SOX5: variants seen among roughly 807,000 people sequenced by gnomAD.
SOX5 encodes SRY-box transcription factor 5.
Under a neutral mutation model 92.0 loss-of-function variants are expected in SOX5, and 9 were observed. The ratio of observed to expected loss-of-function variants is 0.10; its 90% CI spans 0.06 to 0.17. The LOEUF is 0.17. Among genes scored for constraint, SOX5 ranks in the 10% least tolerant of loss-of-function variants. The pLI is 1.00. For missense variants in SOX5, 642 were observed against 944.5 expected (o/e 0.68, Z 4.20); for synonymous variants, 344 against 336.3 (o/e 1.02, Z -0.25).
intron 8 of SOX5, among the ~76,000 whole-genome samples, chr12:23,634,901 T>C (rs576866131): frequency 6.6e-6 from 1 of 152,328 alleles, no homozygotes; most frequent in South Asian, 2.1e-4. Flanking sequence ...GAATAATTTA[T>C]TGAAAATACA....
chr12:24,117,954 G>T (rs1201442259), intron 4 of SOX5, among the ~76,000 whole-genome samples: 1 of 150,610 alleles, frequency 6.6e-6, no homozygotes, highest in African/African-American at 2.4e-5. Flanking sequence ...GGGAGGCAGA[G>T]GTTGCAGTAA....
chr12:23,569,804 G>GAC (rs1947825157), intron 10 of SOX5, among the ~76,000 whole-genome samples: 1 of 152,166 alleles, frequency 6.6e-6, no homozygotes, highest in Admixed American at 6.5e-5. Context: ...CATGTTCTTT[G>GAC]ACAAGATGAG....
rs985488676 is a variant in SOX5, at chr12:24,057,149, G to A, written c.-2+156194C>T. ...GTATCCTAGTTTCAAATAGATAAAA[G>A]AAGGAAAAAACCTAGCTACATGGAC... On this transcript the variant is annotated intron_variant, in intron 4 of 4. Coordinates refer to the SOX5 transcript ENST00000446891. Among the ~76,000 whole-genome samples, 3 of 151,898 alleles carry A rather than the reference G, an allele frequency of 2.0e-5. No individual in the cohort carries two copies. In the South Asian group the frequency reaches 6.2e-4, roughly 32 times the overall value.
chr12:24,122,224 A>G (rs1230381058), intron 4 of SOX5, among the ~76,000 whole-genome samples: 1 of 152,228 alleles, frequency 6.6e-6, no homozygotes, highest in Non-Finnish European at 1.5e-5. Context: ...AAGAATTGTA[A>G]CAGGAGATGA....
intron 9 of SOX5, among the ~76,000 whole-genome samples, chr12:23,576,845 CTTGT>C (rs1201399944): frequency 2.0e-5 from 3 of 151,958 alleles, no homozygotes; most frequent in African/African-American, 4.8e-5. Context: ...TATCTTACCA[CTTGT>C]TTATTTATCA....
chr12:24,382,774 C>A (rs7299164), intron 1 of SOX5, among the ~76,000 whole-genome samples: 70,531 of 151,708 alleles, frequency 0.46, 16,515 homozygotes, highest in South Asian at 0.57. Context: ...TTTGTTGAGG[C>A]GTTAGATGTA....
chr12:24,507,037 G>T (rs1333581763), intron 1 of SOX5, among the ~76,000 whole-genome samples: 1 of 151,720 alleles, frequency 6.6e-6, no homozygotes, highest in African/African-American at 2.4e-5. Flanking sequence ...TGATCCGCCC[G>T]CCTCGGCCTC....
intron 1 of SOX5, among the ~76,000 whole-genome samples, chr12:24,475,381 G>A (rs1945253178): frequency 6.6e-6 from 1 of 152,192 alleles, no homozygotes; most frequent in Non-Finnish European, 1.5e-5. Context: ...CTCGAAGGCA[G>A]GAATCGTGTA....
At chr12:24,394,931 A>C (rs980912746) in intron 1 of SOX5, among the ~76,000 whole-genome samples, 1 of 152,188 alleles carries the variant, frequency 6.6e-6, no homozygotes, top group Non-Finnish European at 1.5e-5. Context: ...TTTTCACTAC[A>C]TGGTAGGCTT....
Position 24,396,414 on chromosome 12 carries a change from T to C in SOX5, c.-250-27775A>G, listed in dbSNP as rs372931809. ...TTGTTGTCACTTTAGATTAAGCTCT[T>C]ATTTTAGTAAAGGAGGCAATTGGAG... On this transcript the variant is annotated intron_variant, in intron 1 of 4. Transcript: ENST00000446891. 4.6e-5 allele frequency among the ~76,000 whole-genome samples: 7 copies of C among 152,350 alleles called. No homozygotes were observed. In the South Asian group the frequency reaches 8.3e-4, roughly 18 times the overall value.
chr12:23,721,994 A>G (rs777659859), intron 6 of SOX5, among the ~76,000 whole-genome samples: 7 of 152,218 alleles, frequency 4.6e-5, no homozygotes, highest in Non-Finnish European at 8.8e-5. Context: ...GGTAAATATC[A>G]TTGAGAAATA....
chr12:24,210,601 G>A (rs1364953141), intron 4 of SOX5, among the ~76,000 whole-genome samples: 1 of 152,174 alleles, frequency 6.6e-6, no homozygotes, highest in South Asian at 2.1e-4. Context: ...ATTCAGCTGT[G>A]CCAAGTAACT....
chr12:24,278,027 T>C (rs1944695150), intron 2 of SOX5, among the ~76,000 whole-genome samples: 1 of 152,134 alleles, frequency 6.6e-6, no homozygotes, highest in Non-Finnish European at 1.5e-5. Flanking sequence ...CCTGACAATC[T>C]GTTGAGATTC....
At chr12:24,007,076 T>C (rs1450579137) in intron 4 of SOX5, among the ~76,000 whole-genome samples, 1 of 147,010 alleles carries the variant, frequency 6.8e-6, no homozygotes. Context: ...GAGGTTGCAG[T>C]GAGCTGAGCT....
chr12:24,462,263 G>A (rs191260720), intron 1 of SOX5, among the ~76,000 whole-genome samples: 1 of 152,282 alleles, frequency 6.6e-6, no homozygotes, highest in East Asian at 1.9e-4. Flanking sequence ...AATGTCAGGT[G>A]TGTATGTAAA....
At chr12:23,836,262 A>G (rs192826831) in intron 3 of SOX5, among the ~76,000 whole-genome samples, 1 of 152,038 alleles carries the variant, frequency 6.6e-6, no homozygotes, top group East Asian at 1.9e-4. Context: ...TAATGTAACT[A>G]TGTTACATAG....
intron 3 of SOX5, among the ~76,000 whole-genome samples, chr12:23,822,109 T>C (rs1241742661): frequency 6.6e-6 from 1 of 152,176 alleles, no homozygotes; most frequent in East Asian, 1.9e-4. Context: ...AGGGTTTTTG[T>C]GTCTCTATCT....
At chr12:24,358,333 C>G (rs1955114023) in intron 2 of SOX5, among the ~76,000 whole-genome samples, 1 of 152,154 alleles carries the variant, frequency 6.6e-6, no homozygotes, top group South Asian at 2.1e-4. Flanking sequence ...CAATAAGAAG[C>G]CTTCTTTGCA....
At chr12:24,078,861 C>G (rs537652829) in intron 4 of SOX5, among the ~76,000 whole-genome samples, 20 of 152,036 alleles carry the variant, frequency 1.3e-4, no homozygotes, top group African/African-American at 4.8e-4. Context: ...ATTTCTGAAC[C>G]AAACCTCTCA....
Sources: gnomAD v4.1 joint callset for allele counts (sites outside exome capture counted in the v4.1 genomes callset) on GRCh38, gnomAD v4.1.1 for gene constraint, MANE v1.5 for transcripts, NCBI Gene and HGNC (gene_info 2026-07-23, HGNC 2026-07-21) for gene names.